NLRP3: variants seen among roughly 807,000 people sequenced by gnomAD.
NLRP3 encodes the protein NACHT, LRR and PYD domains-containing protein 3.
A neutral mutation model predicts 91.3 loss-of-function variants in NLRP3; 48 were observed. The ratio of observed to expected loss-of-function variants is 0.53; its 90% CI spans 0.42 to 0.67. The LOEUF (loss-of-function observed/expected upper bound fraction) is 0.67, where lower values mean the gene tolerates loss of function less well. Ranked by LOEUF, NLRP3 falls within the 30% of genes least tolerant of loss-of-function variation. The pLI is 0.00. For synonymous variants in NLRP3, 561 were observed against 507.9 expected (o/e 1.10, Z -1.41); for missense variants, 982 against 1,276.9 (o/e 0.77, Z 3.52).
chr1:247,447,094 C>T (rs1664631534), intron 9 of NLRP3, among the ~76,000 whole-genome samples: 1 of 152,154 alleles, frequency 6.6e-6, no homozygotes, highest in Non-Finnish European at 1.5e-5. Context: ...GCAATCAACC[C>T]GTTTTCTCAG....
At chr1:247,432,010 G>A (rs951466152) in intron 5 of NLRP3, among the ~76,000 whole-genome samples, 3 of 151,986 alleles carry the variant, frequency 2.0e-5, no homozygotes, top group African/African-American at 4.8e-5. Flanking sequence ...GCAATTCTTC[G>A]AGTAGTTGGG....
chr1:247,417,470 T>TTATTTTATTTTATTC, intron 1 of NLRP3, among the ~76,000 whole-genome samples: 1 of 152,268 alleles, frequency 6.6e-6, no homozygotes, highest in African/African-American at 2.4e-5. Flanking sequence ...ATGTTTTTAT[T>TTATTTTATTTTATTC]TATTTTATTT....
chr1:247,425,538 C>G lies in NLRP3; in HGVS notation c.2089C>G (p.Arg697Gly). The G allele has an allele frequency of 6.2e-7, 1 of 1,613,344 alleles. No homozygotes were observed. The highest frequency in any genetic ancestry group is 1.1e-5 in the South Asian group (1 of 91,072). Residue 697 changes from arginine to glycine, a missense_variant, in exon 4 of 10, where the codon CGA (arginine) becomes GGA (glycine). Arg to Gly is a moderately radical substitution (Grantham distance 125). Coordinates refer to ENST00000336119, the MANE Select transcript of NLRP3 (RefSeq NM_001243133.2). This position sits in a 1 kb window ranked among gnomAD's most constrained non-coding sequence, Gnocchi z 4.1. ...KEEEEEEKEG[R>G]HLDMVQCVLP... ...GGAAGAGGAGGAGGAAAAGGAAGGC[C>G]GACACCTTGATATGGTGCAGTGTGT...
chr1:247,443,917 C>T, intron 7 of NLRP3, 55 bp from the exon 8 acceptor site: 1 of 1,575,886 alleles, frequency 6.3e-7, no homozygotes, highest in South Asian at 1.1e-5. Context: ...AAAGCAGCTG[C>T]ACAATGTTGG....
chr1:247,429,276 G>A (rs566485968), intron 4 of NLRP3, among the ~76,000 whole-genome samples: 2 of 152,114 alleles, frequency 1.3e-5, no homozygotes, highest in Admixed American at 1.3e-4. Context: ...AGCACAGAAC[G>A]TTCAGGGCCA....
Position 247,444,102 on chromosome 1 carries a change from G to A in NLRP3, c.2794G>A (p.Glu932Lys). Residue 932 changes from glutamate to lysine, a missense_variant, in exon 8 of 10, where the codon GAG becomes AAG. By Grantham distance (56) the Glu-to-Lys change is moderately conservative. This residue lies in a region of NLRP3 where 373 missense variants were observed against 431.5 expected (regional missense o/e 0.86). Coordinates refer to ENST00000336119, the MANE Select transcript of NLRP3 (RefSeq NM_001243133.2). ...LGDKGIKLLC[E>K]GLLHPDCKLQ... ...AGACAAGGGGATCAAACTACTCTGT[G>A]AGGGACTCTTGCACCCCGACTGCAA... 1.2e-6 allele frequency: 2 copies of A among 1,614,208 alleles called. No homozygotes were observed. The highest frequency in any genetic ancestry group is 1.7e-6 in the Non-Finnish European group (2 of 1,180,038).
chr1:247,448,509 G>A lies in NLRP3; in HGVS notation c.*5G>A. On this transcript the variant is annotated 3_prime_UTR_variant, in exon 10 of 10. Coordinates refer to ENST00000336119, the MANE Select transcript of NLRP3 (RefSeq NM_001243133.2). ...GTCTTTGAGCCTTCTTGGTAGGAGT[G>A]GAAACGGGGCTGCCAGACGCCAGTG... The A allele has an allele frequency of 6.3e-7, 1 of 1,589,084 alleles. No individual in the cohort carries two copies. Among genetic ancestry groups the A allele is most frequent in the Non-Finnish European group, 8.6e-7 (1 of 1,157,226 alleles).
chr1:247,446,487 C>T (rs1050283745), intron 9 of NLRP3, among the ~76,000 whole-genome samples: 1 of 152,216 alleles, frequency 6.6e-6, no homozygotes, highest in African/African-American at 2.4e-5. Flanking sequence ...GCTTATTCTG[C>T]CCCAGTACAG....
chr1:247,437,824 C>A (rs540695728), intron 7 of NLRP3, among the ~76,000 whole-genome samples: 1 of 152,214 alleles, frequency 6.6e-6, no homozygotes, highest in Non-Finnish European at 1.5e-5. Flanking sequence ...AGTGCCTCTC[C>A]GAGCGGGTGA....
intron 3 of NLRP3, 56 bp from the exon 4 acceptor site, chr1:247,423,791 C>A: frequency 6.8e-7 from 1 of 1,462,484 alleles, no homozygotes; most frequent in Non-Finnish European, 9.5e-7. Context: ...CAGCTGAGAG[C>A]GCATCTCAGG....
chr1:247,429,144 C>T (rs750788314), intron 4 of NLRP3, among the ~76,000 whole-genome samples: 4 of 152,126 alleles, frequency 2.6e-5, no homozygotes, highest in African/African-American at 7.2e-5. Context: ...CTGCCCGCCT[C>T]GGCCTCCCAA....
chr1:247,418,610 CT>C lies in NLRP3; in HGVS notation c.-187del. ...AGCCACTGTGCCCGGCCTTGGCTAA[CT>C]TTTCAAAATTAAAGATTTTGACTTG... On this transcript the variant is annotated 5_prime_UTR_variant, in exon 2 of 10. Coordinates refer to ENST00000336119, the MANE Select transcript of NLRP3 (RefSeq NM_001243133.2). 1 of 750,692 alleles carries C rather than the reference CT, an allele frequency of 1.3e-6. No homozygotes were observed. The highest frequency in any genetic ancestry group is 2.2e-6 in the Non-Finnish European group (1 of 463,038). 46.5% of individuals were successfully genotyped at this position (750,692 alleles called of 1,614,324 possible). A position where few individuals can be genotyped will look rare whatever the true frequency, so the allele number is the denominator to read the frequency against.
Position 247,434,200 on chromosome 1 carries a change from G to A in NLRP3, c.2419G>A (p.Ala807Thr), listed in dbSNP as rs201096167. The A allele has an allele frequency of 1.7e-4, 273 of 1,614,228 alleles. 1 individual carries two copies. In the South Asian group the frequency reaches 2.7e-3, roughly 16 times the overall value. Reference sequence around the variant, plus strand: ...GGTGGAGCTGGACCTGAGTGACAACGCCCTCGGTGACTTCGGAATCAGACT... The same window carrying A: ...GGTGGAGCTGGACCTGAGTGACAACACCCTCGGTGACTTCGGAATCAGACT... Reference protein sequence around the residue: ...KLVELDLSDNALGDFGIRLLC... With the variant: ...KLVELDLSDNTLGDFGIRLLC... The change falls in exon 6 of 10, where the codon GCC (alanine) becomes ACC (threonine). Residue 807 changes from alanine to threonine, a missense_variant. This residue lies in a region of NLRP3 where 373 missense variants were observed against 431.5 expected (regional missense o/e 0.86). Coordinates refer to ENST00000336119, the MANE Select transcript of NLRP3 (RefSeq NM_001243133.2).
intron 9 of NLRP3, among the ~76,000 whole-genome samples, chr1:247,445,574 T>C (rs545776001): frequency 6.6e-6 from 1 of 152,274 alleles, no homozygotes; most frequent in African/African-American, 2.4e-5. Flanking sequence ...AATTCGACAG[T>C]GTGTCAGGAT....
At position 247,424,859 on chromosome 1, in the gene NLRP3, G is replaced by T. The variant is rs752724549; in HGVS notation, c.1410G>T (p.Leu470Phe). 1.9e-6 allele frequency: 3 copies of T among 1,608,350 alleles called. No individual in the cohort carries two copies. Among genetic ancestry groups the T allele is most frequent in the Non-Finnish European group, 2.5e-6 (3 of 1,179,980 alleles). Residue 470 changes from leucine (L) to phenylalanine (F), a missense_variant, in exon 4 of 10, where the codon TTG becomes TTT. Around this residue, in one of 5 missense-constraint regions of NLRP3, gnomAD observed 548 missense variants for 713.7 expected, o/e 0.77. Coordinates refer to ENST00000336119, the MANE Select transcript of NLRP3 (RefSeq NM_001243133.2). This position sits in a 1 kb window ranked among gnomAD's most constrained non-coding sequence, Gnocchi z 8.1. ...CCCACCTCTGGGGGCTCTGCTCTTTGGCTGCAGATGGAATCTGGAACCAGA... is the reference window on the plus strand; with the variant it reads ...CCCACCTCTGGGGGCTCTGCTCTTTTGCTGCAGATGGAATCTGGAACCAGA... Reference protein sequence around the residue: ...LCAHLWGLCSLAADGIWNQKI... With the variant: ...LCAHLWGLCSFAADGIWNQKI...
intron 7 of NLRP3, among the ~76,000 whole-genome samples, chr1:247,438,102 AAG>A (rs1189371585): frequency 6.6e-6 from 1 of 152,176 alleles, no homozygotes; most frequent in African/African-American, 2.4e-5. Flanking sequence ...CCTAAACAAC[AAG>A]AGTTTATTGC....
chr1:247,420,100 T>C (rs1374417901), intron 2 of NLRP3, among the ~76,000 whole-genome samples: 1 of 152,236 alleles, frequency 6.6e-6, no homozygotes, highest in Admixed American at 6.5e-5. Context: ...TTTTTTATAG[T>C]AGCCATTCTA....
intron 7 of NLRP3, 89 bp from the exon 8 acceptor site, chr1:247,443,883 T>C: frequency 7.6e-7 from 1 of 1,307,218 alleles, no homozygotes; most frequent in Non-Finnish European, 1.1e-6. Flanking sequence ...CTGCAGCTGC[T>C]GAGAGAGGAC....
intron 4 of NLRP3, among the ~76,000 whole-genome samples, chr1:247,427,314 G>T (rs144679756): frequency 5.1e-4 from 78 of 152,276 alleles, no homozygotes; most frequent in African/African-American, 1.9e-3. Flanking sequence ...TGGATTTTGG[G>T]GCACACAAAC....
Sources: gnomAD v4.1 joint callset for allele counts (sites outside exome capture counted in the v4.1 genomes callset) on GRCh38, gnomAD v4.1.1 for gene constraint, gnomAD v4.1.1 regional missense constraint, Gnocchi (gnomAD v3.1) non-coding constraint, MANE v1.5 for transcripts, NCBI Gene and HGNC (gene_info 2026-07-23, HGNC 2026-07-21) for gene names.